NDUFV2: variants seen among roughly 807,000 people sequenced by gnomAD.
The protein encoded by NDUFV2 is NADH dehydrogenase [ubiquinone] flavoprotein 2, mitochondrial.
NDUFV2 carries 18 observed loss-of-function variants against 31.6 expected under a neutral mutation model. The observed-to-expected ratio is 0.57, with a 90% CI of 0.39 to 0.84. NDUFV2 has a LOEUF of 0.84. Among genes scored for constraint, NDUFV2 ranks in the 40% least tolerant of loss-of-function variants. The pLI is 0.00. For missense variants in NDUFV2, 314 were observed against 303.6 expected, an observed-to-expected ratio of 1.03 and a Z score of -0.26; for synonymous variants, 83 against 99.8, an observed-to-expected ratio of 0.83 and a Z score of 1.01.
intron 5 of NDUFV2, among the ~76,000 whole-genome samples, chr18:9,123,233 T>G (rs977351304): frequency 1.3e-5 from 2 of 152,228 alleles, no homozygotes; most frequent in Non-Finnish European, 2.9e-5. Context: ...AGTAATATTT[T>G]GTTATTGAAT....
At chr18:9,124,186 T>G (rs1179476884) in intron 5 of NDUFV2, among the ~76,000 whole-genome samples, 1 of 151,430 alleles carries the variant, frequency 6.6e-6, no homozygotes, top group Non-Finnish European at 1.5e-5. Flanking sequence ...ACATAGAGTT[T>G]TTTTTTTGTT....
At chr18:9,106,906 C>T (rs1002672272) in intron 1 of NDUFV2, among the ~76,000 whole-genome samples, 4 of 61,984 alleles carry the variant, frequency 6.5e-5, no homozygotes, top group Admixed American at 1.5e-4. Flanking sequence ...CACATCACTT[C>T]GACCCTCCTG....
intron 6 of NDUFV2, 175 bp from the exon 7 acceptor site, chr18:9,126,656 C>T (rs995465141): frequency 1.7e-6 from 1 of 582,220 alleles, no homozygotes; most frequent in African/African-American, 1.9e-5. Flanking sequence ...AATTTTGTGC[C>T]ATGCGTGGTG....
intron 2 of NDUFV2, among the ~76,000 whole-genome samples, chr18:9,118,824 T>TTG (rs953280462): frequency 1.4e-5 from 2 of 147,616 alleles, no homozygotes; most frequent in Non-Finnish European, 3.0e-5. Context: ...TGTTTTTTTT[T>TTG]TTTTTTTTTT....
At chr18:9,116,744 T>C (rs976846366) in intron 1 of NDUFV2, among the ~76,000 whole-genome samples, 11 of 152,238 alleles carry the variant, frequency 7.2e-5, no homozygotes, top group African/African-American at 2.2e-4. Flanking sequence ...TATTGTGTTA[T>C]ATTACTCCGT....
At chr18:9,108,272 T>A (rs1317674004) in intron 1 of NDUFV2, among the ~76,000 whole-genome samples, 1 of 152,244 alleles carries the variant, frequency 6.6e-6, no homozygotes, top group African/African-American at 2.4e-5. Context: ...TTAACCTGAA[T>A]TAACATTTTT....
chr18:9,119,617 CT>C, intron 4 of NDUFV2, 27 bp downstream of exon 4: 1 of 1,528,488 alleles, frequency 6.5e-7, no homozygotes. Context: ...TGCCTTAGTT[CT>C]AAAAGAGAAG....
At chr18:9,127,274 C>T (rs2077999155) in intron 7 of NDUFV2, among the ~76,000 whole-genome samples, 1 of 152,126 alleles carries the variant, frequency 6.6e-6, no homozygotes, top group African/African-American at 2.4e-5. Context: ...TTCCAAATGA[C>T]AGCTCTTCAA....
At chr18:9,125,290 TATCATC>T (rs150890429) in intron 6 of NDUFV2, among the ~76,000 whole-genome samples, 2 of 152,050 alleles carry the variant, frequency 1.3e-5, no homozygotes, top group Non-Finnish European at 2.9e-5. Context: ...CTTCAGATAC[TATCATC>T]ATCATCATCA....
intron 1 of NDUFV2, chr18:9,104,948 T>G: frequency 6.4e-7 from 1 of 1,553,298 alleles, no homozygotes. Context: ...TAACAGACCT[T>G]ACAGACAATT....
intron 1 of NDUFV2, among the ~76,000 whole-genome samples, chr18:9,116,639 T>G (rs1485170310): frequency 1.3e-5 from 2 of 152,254 alleles, no homozygotes; most frequent in Non-Finnish European, 2.9e-5. Context: ...CCTTAGTCTT[T>G]TCTTGTTAAT....
intron 6 of NDUFV2, 135 bp downstream of exon 6, chr18:9,125,118 G>T: frequency 2.1e-6 from 2 of 971,902 alleles, no homozygotes; most frequent in East Asian, 2.9e-5. Flanking sequence ...AAATATCCAG[G>T]TTTTAAAAAA....
Position 9,110,798 on chromosome 18 carries a change from G to A in NDUFV2, c.55-7040G>A, listed in dbSNP as rs145564643. 1.7e-4 allele frequency among the ~76,000 whole-genome samples: 26 copies of A among 152,280 alleles called. 1 individual carries two copies. Among genetic ancestry groups the A allele is most frequent in the Non-Finnish European group, 3.2e-4 (22 of 68,018 alleles). ...TCTGGGATTATGGGTGTGAGCCACCGTGTCTGGCCAGCTTCTTTTATTTTA... is the reference window on the plus strand; with the variant it reads ...TCTGGGATTATGGGTGTGAGCCACCATGTCTGGCCAGCTTCTTTTATTTTA... On this transcript the variant is annotated intron_variant, in intron 1 of 7. Transcript: ENST00000318388.
chr18:9,103,305 A>G (rs2077824494), intron 1 of NDUFV2: 1 of 396,348 alleles, frequency 2.5e-6, no homozygotes, highest in Non-Finnish European at 4.4e-6. Context: ...TGCATATCGG[A>G]AATGCTGGCT....
chr18:9,111,726 G>C lies in NDUFV2; in HGVS notation c.55-6112G>C, dbSNP rs148331884. Among the ~76,000 whole-genome samples, 29 of 152,030 alleles carry C rather than the reference G, an allele frequency of 1.9e-4. No individual in the cohort carries two copies. The East Asian group carries it at 5.2e-3, about 27-fold the overall frequency. On this transcript the variant is annotated intron_variant, in intron 1 of 7. Coordinates refer to ENST00000318388, the MANE Select transcript of NDUFV2 (RefSeq NM_021074.5). ...TTACAGGCATGAGCTACTGTGCCCGGCCTGAAGTACATCTTTTAATGCTCT... is the reference window on the plus strand; with the variant it reads ...TTACAGGCATGAGCTACTGTGCCCGCCCTGAAGTACATCTTTTAATGCTCT...
intron 1 of NDUFV2, among the ~76,000 whole-genome samples, chr18:9,116,364 T>A (rs576155866): frequency 1.3e-5 from 2 of 152,248 alleles, no homozygotes; most frequent in Admixed American, 1.3e-4. Flanking sequence ...ATCCTTTTAT[T>A]ATAAGTATAC....
chr18:9,106,295 A>G (rs1568185680), intron 1 of NDUFV2, among the ~76,000 whole-genome samples: 2 of 152,174 alleles, frequency 1.3e-5, no homozygotes, highest in African/African-American at 4.8e-5. Context: ...TGAAGAAAAA[A>G]CAAAAACCTC....
rs976690518 is a variant in NDUFV2, at chr18:9,116,514, C to G, written c.55-1324C>G. 4.6e-5 allele frequency among the ~76,000 whole-genome samples: 7 copies of G among 152,070 alleles called. 1 individual carries two copies. In the East Asian group the frequency reaches 1.3e-3, roughly 29 times the overall value. On this transcript the variant is annotated intron_variant, in intron 1 of 7. Coordinates refer to ENST00000318388, the MANE Select transcript of NDUFV2 (RefSeq NM_021074.5). Reference sequence around the variant, plus strand: ...TTCAGTTAATTTTTCAAAACAAAACCAACACAATCAAAGCCCCCTTGTGCA... The same window carrying G: ...TTCAGTTAATTTTTCAAAACAAAACGAACACAATCAAAGCCCCCTTGTGCA...
At chr18:9,104,264 G>A (rs1229922939) in intron 1 of NDUFV2, 1 of 1,612,604 alleles carries the variant, frequency 6.2e-7, no homozygotes, top group Non-Finnish European at 8.5e-7. Flanking sequence ...GAGAGACAGG[G>A]GCCAGATATT....
Sources: allele counts gnomAD v4.1 joint callset (sites outside exome capture counted in the v4.1 genomes callset), GRCh38; gene constraint gnomAD v4.1.1; transcripts MANE v1.5; gene names NCBI Gene and HGNC (gene_info 2026-07-23, HGNC 2026-07-21).